GABRA6: variants seen among roughly 807,000 people sequenced by gnomAD.
GABRA6 encodes the protein gamma-aminobutyric acid receptor subunit alpha-6.
In GABRA6, 45 loss-of-function variants were observed where a neutral mutation model predicts 47.3. The ratio of observed to expected loss-of-function variants is 0.95; its 90% CI spans 0.75 to 1.22. The LOEUF (loss-of-function observed/expected upper bound fraction) is 1.22. GABRA6 is among the 50% of genes most tolerant of loss of function. The pLI, the probability that GABRA6 is intolerant of heterozygous loss-of-function variation, is 0.00. For synonymous variants in GABRA6, 219 were observed against 194.7 expected (o/e 1.12, Z -1.04); for missense variants, 583 against 549.3 (o/e 1.06, Z -0.61).
intron 3 of GABRA6, 45 bp downstream of exon 3, chr5:161,687,048 A>T (rs756820229): frequency 3.3e-6 from 5 of 1,517,534 alleles, no homozygotes; most frequent in Admixed American, 3.3e-5. Context: ...TTCGGGGAGG[A>T]GAGTGGAGTC....
chr5:161,694,325 G>A (rs950432063), intron 8 of GABRA6, among the ~76,000 whole-genome samples: 3 of 149,940 alleles, frequency 2.0e-5, no homozygotes, highest in African/African-American at 4.9e-5. Context: ...AAAAAAGATC[G>A]TCAAAAACAG....
At position 161,701,916 on chromosome 5, in the gene GABRA6, T is replaced by C. The variant is rs1754988270; in HGVS notation, c.*143T>C. On this transcript the variant is annotated 3_prime_UTR_variant, in exon 9 of 9. Transcript: ENST00000274545. ...ATCTGTAACGCAGCTTCCGTAAGCA[T>C]GTGTGGGCAAAAAAGCAATAATCCT... The C allele has an allele frequency of 1.2e-6, 1 of 832,936 alleles. No individual in the cohort carries two copies. The highest frequency in any genetic ancestry group is 1.9e-6 in the Non-Finnish European group (1 of 521,928). 51.6% of individuals were successfully genotyped at this position (832,936 alleles called of 1,614,324 possible). A position where few individuals can be genotyped will look rare whatever the true frequency, so the allele number is the denominator to read the frequency against.
chr5:161,701,456 C>A (rs376190825), intron 8 of GABRA6, 42 bp from the exon 9 acceptor site: 85 of 1,594,464 alleles, frequency 5.3e-5, no homozygotes, highest in Non-Finnish European at 7.2e-5. Flanking sequence ...TAAGCAATAT[C>A]TATTCTTTCA....
chr5:161,696,066 G>A (rs1203490254), intron 8 of GABRA6, among the ~76,000 whole-genome samples: 1 of 152,120 alleles, frequency 6.6e-6, no homozygotes, highest in African/African-American at 2.4e-5. Flanking sequence ...CTGCAGAAGA[G>A]CCATGCAAAA....
rs766046638 is a variant in GABRA6 at position 161,689,131 on chromosome 5, C to A, written c.408C>A (p.Phe136Leu). ...AHNMTTPNKL[F>L]RIMQNGTILY... The stretch of plus-strand genomic sequence containing the variant: ...ACATGACAACTCCTAATAAACTCTT[C>A]AGAATAATGCAGAATGGAACCATTT... Residue 136 changes from phenylalanine (F) to leucine (L), a missense_variant, in exon 4 of 9, where the codon TTC becomes TTA. Physicochemically the swap from Phe to Leu is conservative, Grantham distance 22. Coordinates refer to ENST00000274545, the MANE Select transcript of GABRA6 (RefSeq NM_000811.3). 1 of 1,613,960 alleles carries A rather than the reference C, an allele frequency of 6.2e-7. No individual in the cohort carries two copies. The highest frequency in any genetic ancestry group is 8.5e-7 in the Non-Finnish European group (1 of 1,179,926).
intron 7 of GABRA6, among the ~76,000 whole-genome samples, chr5:161,690,627 A>G (rs985641338): frequency 6.6e-6 from 1 of 152,126 alleles, no homozygotes; most frequent in East Asian, 1.9e-4. Flanking sequence ...TTTCTTTGTC[A>G]TAACTGAGGA....
intron 8 of GABRA6, among the ~76,000 whole-genome samples, chr5:161,699,958 T>G (rs1410686772): frequency 6.6e-6 from 1 of 152,186 alleles, no homozygotes; most frequent in Non-Finnish European, 1.5e-5. Flanking sequence ...AAATCAAATC[T>G]TGACTACACC....
chr5:161,689,939 T>G (rs1754764205), intron 6 of GABRA6, 160 bp downstream of exon 6: 1 of 735,782 alleles, frequency 1.4e-6, no homozygotes, highest in Non-Finnish European at 2.3e-6. Flanking sequence ...TGCAACCAGG[T>G]GCATATAAAG....
At chr5:161,688,146 T>C (rs1455546048) in intron 3 of GABRA6, among the ~76,000 whole-genome samples, 7 of 152,168 alleles carry the variant, frequency 4.6e-5, no homozygotes, top group South Asian at 2.1e-4. Flanking sequence ...TGAGTCATTA[T>C]TGTATGGATA....
intron 3 of GABRA6, chr5:161,687,306 A>T (rs1754718536): frequency 2.4e-6 from 1 of 421,284 alleles, no homozygotes; most frequent in Admixed American, 3.5e-5. Context: ...GTGAAGCTCC[A>T]GCAAATTTAT....
intron 8 of GABRA6, among the ~76,000 whole-genome samples, chr5:161,696,215 T>A (rs780247183): frequency 1.3e-5 from 2 of 152,056 alleles, no homozygotes; most frequent in Non-Finnish European, 2.9e-5. Context: ...GGGAAATAAG[T>A]TATATACCCT....
chr5:161,688,054 A>T (rs1281463656), intron 3 of GABRA6, among the ~76,000 whole-genome samples: 1 of 152,118 alleles, frequency 6.6e-6, no homozygotes, highest in Non-Finnish European at 1.5e-5. Flanking sequence ...TGAATTGTTG[A>T]AGTCTGAGTA....
In GABRA6 at chr5:161,692,084, G is replaced by C; in HGVS notation, c.970G>C (p.Val324Leu). 2 of 1,614,128 alleles carry C rather than the reference G, an allele frequency of 1.2e-6. No homozygotes were observed. The highest frequency in any genetic ancestry group is 1.7e-6 in the Non-Finnish European group (2 of 1,180,000). Residue 324 changes from valine (V) to leucine (L), a missense_variant, in exon 8 of 9, where the codon GTC becomes CTC. Val to Leu is a conservative substitution (Grantham distance 32). Transcript: ENST00000274545. ...CTCTGCGCTTATCGAGTTCGCAGCTGTCAACTACTTTACCAATCTTCAGAC... is the reference window on the plus strand; with the variant it reads ...CTCTGCGCTTATCGAGTTCGCAGCTCTCAACTACTTTACCAATCTTCAGAC... ...VFSALIEFAAVNYFTNLQTQK... is the reference protein window; with the variant it reads ...VFSALIEFAALNYFTNLQTQK...
intron 8 of GABRA6, among the ~76,000 whole-genome samples, chr5:161,693,657 T>TTA (rs1754842283): frequency 6.7e-6 from 1 of 150,328 alleles, no homozygotes; most frequent in Non-Finnish European, 1.5e-5. Context: ...TCTGCAAAAA[T>TTA]AAAAAAAAAA....
At chr5:161,687,507 T>G in intron 3 of GABRA6, 1 of 456,202 alleles carries the variant, frequency 2.2e-6, no homozygotes, top group South Asian at 1.5e-5. Flanking sequence ...GTAGGTGTTC[T>G]GGGGACTCTG....
intron 8 of GABRA6, among the ~76,000 whole-genome samples, chr5:161,700,580 T>C (rs528016926): frequency 1.4e-4 from 21 of 152,296 alleles, no homozygotes; most frequent in African/African-American, 4.8e-4. Flanking sequence ...AAATTGACCA[T>C]TGGAGTTTAT....
Position 161,695,166 on chromosome 5 carries a change from C to A in GABRA6, c.1086+2966C>A, listed in dbSNP as rs1035329504. ...ATTGCTTTTCACAAGAAACTACTTACAGTGAATGTGGGTAAAAATTTATTC... is the reference window on the plus strand; with the variant it reads ...ATTGCTTTTCACAAGAAACTACTTAAAGTGAATGTGGGTAAAAATTTATTC... On this transcript the variant is annotated intron_variant, in intron 8 of 8. Coordinates refer to ENST00000274545, the MANE Select transcript of GABRA6 (RefSeq NM_000811.3). 5.3e-5 allele frequency among the ~76,000 whole-genome samples: 8 copies of A among 152,076 alleles called. No individual in the cohort carries two copies. In the South Asian group the frequency reaches 1.7e-3, roughly 31 times the overall value.
In GABRA6 at chr5:161,689,372, C is replaced by T. The variant is rs1447694191; in HGVS notation, c.529+36C>T. The stretch of plus-strand genomic sequence containing the variant: ...ACAGGCTTCTGAGAGTCAAATAATA[C>T]ATCCAAAATATATAATTACTTGGTT... On this transcript the variant is annotated intron_variant, in intron 5 of 8. Coordinates refer to ENST00000274545, the MANE Select transcript of GABRA6 (RefSeq NM_000811.3). 5.9e-6 allele frequency: 9 copies of T among 1,515,996 alleles called. No homozygotes were observed. In the African/African-American group the frequency reaches 1.2e-4, roughly 21 times the overall value. The allele number at this position is 1,515,996 out of a possible 1,614,324, so 93.9% of individuals were successfully genotyped here. A position where few individuals can be genotyped will look rare whatever the true frequency, so the allele number is the denominator to read the frequency against.
intron 6 of GABRA6, 161 bp downstream of exon 6, chr5:161,689,940 G>T (rs10043518): frequency 9.6e-6 from 7 of 732,660 alleles, no homozygotes; most frequent in Non-Finnish European, 1.6e-5. Flanking sequence ...GCAACCAGGT[G>T]CATATAAAGA....
Sources: allele counts gnomAD v4.1 joint callset (sites outside exome capture counted in the v4.1 genomes callset), GRCh38; gene constraint gnomAD v4.1.1; transcripts MANE v1.5; gene names NCBI Gene and HGNC (gene_info 2026-07-23, HGNC 2026-07-21).